EML4: variants seen among roughly 807,000 people sequenced by gnomAD.
EML4 encodes EMAP like 4.
A neutral mutation model predicts 129.0 loss-of-function variants in EML4; 72 were observed. The ratio of observed to expected loss-of-function variants is 0.56; its 90% CI spans 0.46 to 0.68. The LOEUF (loss-of-function observed/expected upper bound fraction) is 0.68, where lower values mean the gene tolerates loss of function less well. Ranked by LOEUF, EML4 falls within the 30% of genes least tolerant of loss-of-function variation. EML4 has a pLI of 0.00. For missense variants in EML4, 1,363 were observed against 1,190.6 expected (o/e 1.14, Z -2.13); for synonymous variants, 532 against 405.0 (o/e 1.31, Z -3.77).
chr2:42,233,062 C>G (rs1353117600), intron 1 of EML4, among the ~76,000 whole-genome samples: 3 of 152,190 alleles, frequency 2.0e-5, no homozygotes, highest in African/African-American at 2.4e-5. Flanking sequence ...ATCATTTTGC[C>G]TCATTCCAAT....
chr2:42,227,998 T>G lies in EML4; in HGVS notation c.26-17507T>G, dbSNP rs1674085856. Reference sequence around the variant, plus strand: ...ACTTTGGGAGGCCAAGGTGGGCGGATTACTTGAGGTCAGGAGTACAGAAGC... The same window carrying G: ...ACTTTGGGAGGCCAAGGTGGGCGGAGTACTTGAGGTCAGGAGTACAGAAGC... On this transcript the variant is annotated intron_variant, in intron 1 of 22. Transcript: ENST00000318522. Among the ~76,000 whole-genome samples, 3 of 152,036 alleles carry G rather than the reference T, an allele frequency of 2.0e-5. No homozygotes were observed. The South Asian group carries it at 6.2e-4, about 32-fold the overall frequency.
Position 42,255,549 on chromosome 2 carries a change from C to T in EML4, c.209-952C>T, listed in dbSNP as rs140177741. On this transcript the variant is annotated intron_variant, in intron 2 of 22. Transcript: ENST00000318522. ...TTTTACCACAGTTTTTAAAAAGCTA[C>T]TGATATAACAATAAGTAACTTGTTT... Among the ~76,000 whole-genome samples, 706 of 152,186 alleles carry T rather than the reference C, an allele frequency of 4.6e-3. 2 individuals carry two copies. The highest frequency in any genetic ancestry group is 0.014 in the Middle Eastern group (4 of 294).
chr2:42,326,302 T>C (rs369202427), intron 21 of EML4, 50 bp downstream of exon 21: 110 of 1,257,246 alleles, frequency 8.7e-5, no homozygotes, highest in Non-Finnish European at 1.0e-4. Context: ...GTTTTTTATA[T>C]ATAATATTTA....
At chr2:42,210,788 C>G (rs1672844473) in intron 1 of EML4, among the ~76,000 whole-genome samples, 1 of 152,086 alleles carries the variant, frequency 6.6e-6, no homozygotes, top group African/African-American at 2.4e-5. Context: ...ATACTCCCAC[C>G]TTTTTAAAAA....
At chr2:42,326,789 G>A (rs139858265) in intron 21 of EML4, among the ~76,000 whole-genome samples, 1 of 152,174 alleles carries the variant, frequency 6.6e-6, no homozygotes, top group Non-Finnish European at 1.5e-5. Flanking sequence ...GGCTGAGGCA[G>A]GAGAACTGCT....
At chr2:42,301,037 A>T (rs944533784) in intron 13 of EML4, among the ~76,000 whole-genome samples, 1 of 152,204 alleles carries the variant, frequency 6.6e-6, no homozygotes, top group Non-Finnish European at 1.5e-5. Flanking sequence ...GTAAATAAAT[A>T]TTGACAGAAA....
At chr2:42,180,331 A>G (rs1374912657) in intron 1 of EML4, among the ~76,000 whole-genome samples, 1 of 152,210 alleles carries the variant, frequency 6.6e-6, no homozygotes, top group African/African-American at 2.4e-5. Flanking sequence ...TAGCCAACAG[A>G]CATATTTTGT....
intron 1 of EML4, among the ~76,000 whole-genome samples, chr2:42,216,860 A>G (rs1190005042): frequency 6.6e-6 from 1 of 152,204 alleles, no homozygotes; most frequent in Admixed American, 6.5e-5. Context: ...TCCAAAGTTT[A>G]TCCTACCCCT....
At chr2:42,198,991 G>A (rs1672057664) in intron 1 of EML4, among the ~76,000 whole-genome samples, 1 of 152,216 alleles carries the variant, frequency 6.6e-6, no homozygotes, top group Non-Finnish European at 1.5e-5. Flanking sequence ...GTATTGCAGT[G>A]AGAGTGGTTG....
At chr2:42,193,214 A>G in intron 1 of EML4, among the ~76,000 whole-genome samples, 1 of 152,170 alleles carries the variant, frequency 6.6e-6, no homozygotes, top group Non-Finnish European at 1.5e-5. Context: ...ATAGCCTAGG[A>G]GCAATAGGTT....
At chr2:42,290,289 A>G (rs961670338) in intron 11 of EML4, among the ~76,000 whole-genome samples, 2 of 152,114 alleles carry the variant, frequency 1.3e-5, no homozygotes, top group African/African-American at 2.4e-5. Flanking sequence ...GATGAGCTCC[A>G]TCCTTGCTTA....
intron 1 of EML4, among the ~76,000 whole-genome samples, chr2:42,193,265 G>C (rs1030753824): frequency 6.6e-6 from 1 of 152,118 alleles, no homozygotes; most frequent in Non-Finnish European, 1.5e-5. Context: ...ATACCATCTA[G>C]GTTTGTGTAA....
At chr2:42,325,606 ATATATATATATATATATAT>A in intron 20 of EML4, 52 bp downstream of exon 20, 6 of 28,636 alleles carry the variant, frequency 2.1e-4, no homozygotes, top group Non-Finnish European at 3.0e-4. Flanking sequence ...TTATATTTAT[ATATATATATATATATATAT>A]ATATATATAT....
chr2:42,326,608 G>A (rs761496335), intron 21 of EML4, among the ~76,000 whole-genome samples: 3 of 152,208 alleles, frequency 2.0e-5, no homozygotes, highest in Admixed American at 6.5e-5. Context: ...CAGGCTGGGC[G>A]CAGTGGCTCA....
intron 19 of EML4, among the ~76,000 whole-genome samples, chr2:42,318,814 C>T (rs919240260): frequency 6.6e-6 from 1 of 152,106 alleles, no homozygotes. Flanking sequence ...AAGCAATTCT[C>T]CTGCCTCAGC....
At chr2:42,221,600 T>G (rs927522240) in intron 1 of EML4, among the ~76,000 whole-genome samples, 2 of 151,252 alleles carry the variant, frequency 1.3e-5, no homozygotes, top group African/African-American at 4.9e-5. Flanking sequence ...TTTTTGGGTT[T>G]TGTTTTGTTT....
intron 6 of EML4, 179 bp downstream of exon 6, chr2:42,264,910 C>T (rs1455461803): frequency 6.5e-7 from 1 of 1,549,876 alleles, no homozygotes; most frequent in South Asian, 1.2e-5. Flanking sequence ...TCATTTTTGT[C>T]TCAACCAGCA....
intron 6 of EML4, among the ~76,000 whole-genome samples, chr2:42,274,487 A>G (rs1207775493): frequency 6.6e-6 from 1 of 152,222 alleles, no homozygotes; most frequent in Non-Finnish European, 1.5e-5. Flanking sequence ...CAAGCTTAAA[A>G]AGAAAATCAC....
rs761095538 is a variant in EML4, at chr2:42,263,320, TTTC to T, written c.641+18_641+20del. The T allele has an allele frequency of 3.7e-5, 60 of 1,603,374 alleles. No homozygotes were observed. Among genetic ancestry groups the T allele is most frequent in the Non-Finnish European group, 4.8e-5 (56 of 1,175,318 alleles). ...AACTGCAGACAAGTAAGTATTGCAC[TTTC>T]TTCATTATATCTGAAAAGTAATAAT... On this transcript the variant is annotated intron_variant, in intron 5 of 22. Transcript: ENST00000318522.
Sources: gnomAD v4.1 joint callset for allele counts (sites outside exome capture counted in the v4.1 genomes callset) on GRCh38, gnomAD v4.1.1 for gene constraint, MANE v1.5 for transcripts, NCBI Gene and HGNC (gene_info 2026-07-23, HGNC 2026-07-21) for gene names.